The following CARMIL1 variants were observed in gnomAD, a reference collection of about 807,000 sequenced individuals.
CARMIL1 encodes F-actin-uncapping protein LRRC16A.
A neutral mutation model predicts 177.1 loss-of-function variants in CARMIL1; 90 were observed. The observed-to-expected ratio is 0.51, with a 90% CI of 0.43 to 0.61. CARMIL1 has a LOEUF of 0.61. Among genes scored for constraint, CARMIL1 ranks in the 20% least tolerant of loss-of-function variants. The pLI is 0.00. For missense variants in CARMIL1, 1,380 were observed against 1,667.0 expected, an observed-to-expected ratio of 0.83 and a Z score of 3.00; for synonymous variants, 577 against 606.2, an observed-to-expected ratio of 0.95 and a Z score of 0.71.
intron 2 of CARMIL1, among the ~76,000 whole-genome samples, chr6:25,362,109 C>G (rs1318818150): frequency 6.6e-6 from 1 of 152,156 alleles, no homozygotes; most frequent in African/African-American, 2.4e-5. Context: ...ATAATCACAT[C>G]AGCTTGTTAA....
chr6:25,603,827 T>C (rs565114129), intron 33 of CARMIL1, among the ~76,000 whole-genome samples: 1 of 152,278 alleles, frequency 6.6e-6, no homozygotes, highest in East Asian at 1.9e-4. Flanking sequence ...GTGTAGACTT[T>C]CTAAACTTTC....
intron 2 of CARMIL1, among the ~76,000 whole-genome samples, chr6:25,343,804 G>A (rs571196925): frequency 7.9e-5 from 12 of 152,156 alleles, no homozygotes; most frequent in African/African-American, 2.9e-4. Flanking sequence ...TCTCCTGGCA[G>A]TACTGCCCCT....
intron 2 of CARMIL1, among the ~76,000 whole-genome samples, chr6:25,339,871 T>A (rs1222313060): frequency 2.0e-5 from 3 of 152,214 alleles, no homozygotes; most frequent in Admixed American, 6.5e-5. Context: ...TAATATAAAA[T>A]ACTTCACATA....
chr6:25,291,693 T>C (rs1249049543), intron 2 of CARMIL1, among the ~76,000 whole-genome samples: 1 of 152,208 alleles, frequency 6.6e-6, no homozygotes, highest in Admixed American at 6.5e-5. Flanking sequence ...GTTTTGGGAT[T>C]GTATTTTGGG....
chr6:25,533,997 A>C (rs1201592384), intron 24 of CARMIL1, among the ~76,000 whole-genome samples: 1 of 151,948 alleles, frequency 6.6e-6, no homozygotes, highest in Non-Finnish European at 1.5e-5. Flanking sequence ...TGAACTCTTC[A>C]TTTGCTTTCC....
chr6:25,576,186 T>C (rs904891371), intron 29 of CARMIL1, among the ~76,000 whole-genome samples: 1 of 152,144 alleles, frequency 6.6e-6, no homozygotes, highest in Admixed American at 6.5e-5. Flanking sequence ...CCTAACAAAA[T>C]TTAATGATGA....
chr6:25,611,593 A>G (rs140230790), intron 36 of CARMIL1, among the ~76,000 whole-genome samples: 1 of 152,366 alleles, frequency 6.6e-6, no homozygotes, highest in East Asian at 1.9e-4. Context: ...GTTGGAGAGA[A>G]AAAGAAAAGT....
Position 25,307,146 on chromosome 6 carries a change from G to T in CARMIL1, c.138+22237G>T, listed in dbSNP as rs548777372. Among the ~76,000 whole-genome samples the T allele has an allele frequency of 2.3e-3, 357 of 152,300 alleles. 7 individuals carry two copies. Among genetic ancestry groups the T allele is most frequent in the East Asian group, 7.7e-4 (4 of 5,190 alleles). ...TCCGCCTGCCTTGGTCTCCCAAAGT[G>T]CTGGGATTACAGCTGTGAGCCACCG... On this transcript the variant is annotated intron_variant, in intron 2 of 36. Coordinates refer to ENST00000329474, the MANE Select transcript of CARMIL1 (RefSeq NM_017640.6).
chr6:25,293,352 G>T (rs1782136641), intron 2 of CARMIL1, among the ~76,000 whole-genome samples: 1 of 148,746 alleles, frequency 6.7e-6, no homozygotes. Context: ...GTGTTCACTG[G>T]GTTATTTTCC....
chr6:25,566,533 T>G (rs1392328061), intron 29 of CARMIL1, among the ~76,000 whole-genome samples: 1 of 152,238 alleles, frequency 6.6e-6, no homozygotes, highest in African/African-American at 2.4e-5. Flanking sequence ...TTGTCCTTGA[T>G]CCTCTGAGCC....
chr6:25,299,613 G>A (rs577892994), intron 2 of CARMIL1, among the ~76,000 whole-genome samples: 2 of 152,216 alleles, frequency 1.3e-5, no homozygotes, highest in South Asian at 4.1e-4. Flanking sequence ...ATGTTTACCA[G>A]CATCTGTGGC....
intron 2 of CARMIL1, among the ~76,000 whole-genome samples, chr6:25,307,590 G>A (rs1165384582): frequency 6.6e-6 from 1 of 152,180 alleles, no homozygotes; most frequent in African/African-American, 2.4e-5. Context: ...GACATTATTT[G>A]TTAATTTCTC....
intron 2 of CARMIL1, among the ~76,000 whole-genome samples, chr6:25,398,123 G>A (rs1793582783): frequency 6.6e-6 from 1 of 151,918 alleles, no homozygotes; most frequent in African/African-American, 2.4e-5. Flanking sequence ...GGAACAACTG[G>A]GTAAAGAACT....
chr6:25,316,721 A>T (rs74880520), intron 2 of CARMIL1, among the ~76,000 whole-genome samples: 2 of 152,006 alleles, frequency 1.3e-5, no homozygotes, highest in African/African-American at 4.8e-5. Flanking sequence ...TTATTATTAT[A>T]ATTTTTTTTA....
chr6:25,580,296 A>C (rs1393535463), intron 29 of CARMIL1, among the ~76,000 whole-genome samples: 1 of 152,200 alleles, frequency 6.6e-6, no homozygotes. Flanking sequence ...TAAACAGTTG[A>C]CACCAATGCT....
chr6:25,338,256 CA>C (rs869144757), intron 2 of CARMIL1, among the ~76,000 whole-genome samples: 7,800 of 57,976 alleles, frequency 0.13, 260 homozygotes, highest in Non-Finnish European at 0.19. Flanking sequence ...GACTCTGTCT[CA>C]AAAAAAAAAA....
At chr6:25,411,115 T>A (rs1320547037) in intron 2 of CARMIL1, among the ~76,000 whole-genome samples, 1 of 152,208 alleles carries the variant, frequency 6.6e-6, no homozygotes, top group Non-Finnish European at 1.5e-5. Flanking sequence ...TAACTGTGAC[T>A]CTATTACTTG....
chr6:25,424,893 A>G (rs1316123929), intron 3 of CARMIL1, among the ~76,000 whole-genome samples: 1 of 152,218 alleles, frequency 6.6e-6, no homozygotes, highest in Non-Finnish European at 1.5e-5. Flanking sequence ...TTATGCAGAA[A>G]GGCCACTGGA....
At chr6:25,485,243 C>T (rs566299517) in intron 12 of CARMIL1, among the ~76,000 whole-genome samples, 13 of 152,216 alleles carry the variant, frequency 8.5e-5, no homozygotes, top group African/African-American at 1.7e-4. Flanking sequence ...GGAGGTCCTA[C>T]GGGCAAAGCT....
Sources: allele counts gnomAD v4.1 joint callset (sites outside exome capture counted in the v4.1 genomes callset), GRCh38; gene constraint gnomAD v4.1.1; transcripts MANE v1.5; gene names NCBI Gene and HGNC (gene_info 2026-07-23, HGNC 2026-07-21).